The following GDPD4 variants were observed in gnomAD, a reference collection of about 807,000 sequenced individuals.
The protein encoded by GDPD4 is glycerophosphodiester phosphodiesterase 6.
A neutral mutation model predicts 67.8 loss-of-function variants in GDPD4; 60 were observed. The observed-to-expected ratio is 0.88, with a 90% CI of 0.72 to 1.10. The LOEUF is 1.10. GDPD4 is among the 50% of genes least tolerant of loss of function. GDPD4 has a pLI of 0.00. For missense variants in GDPD4, 623 were observed against 613.9 expected, an observed-to-expected ratio of 1.01 and a Z score of -0.16; for synonymous variants, 212 against 210.9, an observed-to-expected ratio of 1.00 and a Z score of -0.04.
At chr11:77,256,896 T>G (rs1256991827) in intron 11 of GDPD4, among the ~76,000 whole-genome samples, 1 of 152,196 alleles carries the variant, frequency 6.6e-6, no homozygotes, top group Admixed American at 6.5e-5. Flanking sequence ...ATAAACCTCT[T>G]TTCTTTTTAA....
intron 16 of GDPD4, among the ~76,000 whole-genome samples, chr11:77,223,623 TG>T (rs1958269415): frequency 6.6e-6 from 1 of 152,150 alleles, no homozygotes; most frequent in African/African-American, 2.4e-5. Context: ...TACTGGGCGG[TG>T]TCTCCCAGTT....
chr11:77,277,458 T>C lies in GDPD4; in HGVS notation c.148-1238A>G, dbSNP rs183254142. On this transcript the variant is annotated intron_variant, in intron 4 of 16. Coordinates refer to ENST00000315938, the MANE Select transcript of GDPD4 (RefSeq NM_182833.3). Reference sequence around the variant, plus strand: ...CTCTGTCGTCCAGGCTGGAGTGCAGTGTGGCTCGATCTCGGCTCAGTGCAA... The same window carrying C: ...CTCTGTCGTCCAGGCTGGAGTGCAGCGTGGCTCGATCTCGGCTCAGTGCAA... 8.5e-3 allele frequency among the ~76,000 whole-genome samples: 1,109 copies of C among 130,666 alleles called. 22 individuals are homozygous for C. Among genetic ancestry groups the C allele is most frequent in the African/African-American group, 0.029 (1,028 of 35,934 alleles). The allele number at this position is 130,666 out of a possible 152,430, so 85.7% of individuals were successfully genotyped here.
intron 11 of GDPD4, among the ~76,000 whole-genome samples, chr11:77,248,552 C>T (rs1339807278): frequency 1.3e-5 from 2 of 151,824 alleles, no homozygotes; most frequent in Non-Finnish European, 2.9e-5. Flanking sequence ...CCATTAATTG[C>T]ATTACTATAA....
intron 4 of GDPD4, among the ~76,000 whole-genome samples, chr11:77,277,503 C>A (rs1471650944): frequency 1.4e-5 from 2 of 143,822 alleles, no homozygotes; most frequent in Non-Finnish European, 1.5e-5. Context: ...CCCAGGTTCA[C>A]GCCATTCTCC....
intron 13 of GDPD4, among the ~76,000 whole-genome samples, chr11:77,235,992 T>C (rs1308435162): frequency 1.4e-5 from 2 of 141,122 alleles, no homozygotes; most frequent in Non-Finnish European, 3.1e-5. Flanking sequence ...AAAAAACAAA[T>C]TGAAGAGATA....
At chr11:77,283,298 C>G (rs1171109929) in intron 3 of GDPD4, among the ~76,000 whole-genome samples, 1 of 152,224 alleles carries the variant, frequency 6.6e-6, no homozygotes, top group Non-Finnish European at 1.5e-5. Context: ...GACTGAGGCA[C>G]TGTCTAATGA....
chr11:77,258,317 T>A, intron 11 of GDPD4, 69 bp downstream of exon 11: 1 of 1,458,462 alleles, frequency 6.9e-7, no homozygotes, highest in Admixed American at 1.7e-5. Flanking sequence ...GGCCTTTATT[T>A]TCAGGAGCAG....
At chr11:77,286,129 T>C (rs1054054610) in intron 2 of GDPD4, among the ~76,000 whole-genome samples, 2 of 152,114 alleles carry the variant, frequency 1.3e-5, no homozygotes, top group African/African-American at 4.8e-5. Context: ...CTCTCCTTCA[T>C]CTAAAATAAA....
intron 13 of GDPD4, among the ~76,000 whole-genome samples, chr11:77,237,906 G>A (rs1958595224): frequency 6.6e-6 from 1 of 152,140 alleles, no homozygotes; most frequent in Non-Finnish European, 1.5e-5. Context: ...GAGTGACAGA[G>A]TGAGACCCTA....
rs1442752977 is a variant in GDPD4, at chr11:77,229,164, T to C, written c.1458A>G (p.Ile486Met). 6.3e-7 allele frequency: 1 copy of C among 1,587,786 alleles called. No individual in the cohort carries two copies. Among genetic ancestry groups the C allele is most frequent in the Admixed American group, 1.7e-5 (1 of 59,228 alleles). ...TATATACTTACCAGTGAAAACAAAATATGGCAACAATAAAAAGCACAGAAA... is the reference window on the plus strand; with the variant it reads ...TATATACTTACCAGTGAAAACAAAACATGGCAACAATAAAAAGCACAGAAA... ...DIISVLFIVA[I>M]FCFHWRRETE... is the part of the protein sequence containing the mutation. Residue 486 changes from isoleucine (I) to methionine (M), a missense_variant, in exon 15 of 17, where the codon ATA (isoleucine) becomes ATG (methionine). Coordinates refer to ENST00000315938, the MANE Select transcript of GDPD4 (RefSeq NM_182833.3).
At chr11:77,223,338 G>GTCTT (rs968291035) in intron 16 of GDPD4, among the ~76,000 whole-genome samples, 20 of 152,262 alleles carry the variant, frequency 1.3e-4, no homozygotes, top group African/African-American at 4.8e-4. Flanking sequence ...TCTACCCTTG[G>GTCTT]TCTTTGATGA....
chr11:77,225,300 CAA>C (rs34996619), intron 16 of GDPD4, among the ~76,000 whole-genome samples: 52 of 120,548 alleles, frequency 4.3e-4, no homozygotes, highest in African/African-American at 5.8e-4. Context: ...GACTCTGTCT[CAA>C]AAAAAAAAAA....
chr11:77,261,496 C>A (rs935550521), intron 10 of GDPD4, among the ~76,000 whole-genome samples: 29 of 152,144 alleles, frequency 1.9e-4, no homozygotes, highest in African/African-American at 6.8e-4. Context: ...CCTCGGCCTC[C>A]CAAAATGCTG....
chr11:77,224,542 C>T (rs932967483), intron 16 of GDPD4, among the ~76,000 whole-genome samples: 33 of 152,142 alleles, frequency 2.2e-4, no homozygotes, highest in African/African-American at 7.7e-4. Flanking sequence ...ACTTGAGGGT[C>T]ACCTCTAGGA....
In GDPD4 at chr11:77,285,169, G is replaced by A. The variant is rs148019453; in HGVS notation, c.-32C>T. The stretch of plus-strand genomic sequence containing the variant: ...CAAGACAAATGAAATTACCAGGCAC[G>A]GCAAAATAATTGCTCTTTCTGGGAA... On this transcript the variant is annotated 5_prime_UTR_variant, in exon 3 of 17. Transcript: ENST00000315938. The A allele has an allele frequency of 2.3e-4, 367 of 1,565,452 alleles. 1 individual carries two copies. The highest frequency in any genetic ancestry group is 2.3e-3 in the African/African-American group (168 of 73,770).
Position 77,271,228 on chromosome 11 carries a change from G to A in GDPD4, c.307-5C>T, listed in dbSNP as rs772501477. 2.0e-5 allele frequency: 32 copies of A among 1,612,682 alleles called. 1 individual carries two copies. In the South Asian group the frequency reaches 3.2e-4, roughly 16 times the overall value. On this transcript the variant is annotated splice_polypyrimidine_tract_variant and splice_region_variant and intron_variant, in intron 6 of 16. Transcript: ENST00000315938. ...GTGCACGTAGGGAGCAAAGATCTGT[G>A]AGAAAGCCAAAAGTCAGGCTGGATA...
chr11:77,295,121 C>T (rs1410114154), intron 1 of GDPD4, among the ~76,000 whole-genome samples: 8 of 151,688 alleles, frequency 5.3e-5, no homozygotes, highest in Admixed American at 4.6e-4. Flanking sequence ...CATGCCAACA[C>T]ATCCAGCTAA....
rs778174777 is a variant in GDPD4, at chr11:77,217,094, C to T, written c.*183G>A. On this transcript the variant is annotated 3_prime_UTR_variant, in exon 17 of 17. Coordinates refer to ENST00000315938, the MANE Select transcript of GDPD4 (RefSeq NM_182833.3). ...CATCGGTGGTTGAATCTCATGCTTG[C>T]CAGGCTTCAAAGGTGTGACAGCATT... is the stretch of plus-strand genomic sequence containing the variant. 2.8e-6 allele frequency: 2 copies of T among 708,674 alleles called. No individual in the cohort carries two copies. The highest frequency in any genetic ancestry group is 2.9e-5 in the South Asian group (2 of 67,838). 43.9% of individuals were successfully genotyped at this position (708,674 alleles called of 1,614,324 possible). A position where few individuals can be genotyped will look rare whatever the true frequency, so the allele number is the denominator to read the frequency against.
intron 2 of GDPD4, among the ~76,000 whole-genome samples, chr11:77,285,664 G>A (rs1354206348): frequency 6.6e-6 from 1 of 152,110 alleles, no homozygotes; most frequent in Non-Finnish European, 1.5e-5. Context: ...TAGCTATTTT[G>A]TTCTAGTAAA....
Sources: allele counts gnomAD v4.1 joint callset (sites outside exome capture counted in the v4.1 genomes callset), GRCh38; gene constraint gnomAD v4.1.1; transcripts MANE v1.5; gene names NCBI Gene and HGNC (gene_info 2026-07-23, HGNC 2026-07-21).